PRAMEF20: variants seen among roughly 807,000 people sequenced by gnomAD.
The protein encoded by PRAMEF20 is PRAME family member 20, also known as PRAME family member 20/21.
In PRAMEF20, 27 loss-of-function variants were observed where a neutral mutation model predicts 32.4. The ratio of observed to expected loss-of-function variants is 0.83; its 90% CI spans 0.61 to 1.15. PRAMEF20 has a LOEUF of 1.15. Among genes scored for constraint, PRAMEF20 ranks in the 50% most tolerant of loss-of-function variants. The pLI is 0.00. For missense variants in PRAMEF20, 604 were observed against 584.5 expected (o/e 1.03, Z -0.34); for synonymous variants, 256 against 235.4 (o/e 1.09, Z -0.80).
chr1:13,414,805 A>G (rs955705672), upstream of PRAMEF20, among the ~76,000 whole-genome samples: 22 of 151,830 alleles, frequency 1.4e-4, no homozygotes, highest in Non-Finnish European at 2.8e-4. Context: ...TAATATATAT[A>G]TATAGAGAGA....
At chr1:13,410,980 C>T in the PRAMEF20 span, among the ~76,000 whole-genome samples, 23 of 152,178 alleles carry the variant, frequency 1.5e-4, no homozygotes, top group Non-Finnish European at 4.4e-5. Flanking sequence ...GCCTCAGCCT[C>T]CTGAGTAGCT....
upstream of PRAMEF20, chr1:13,416,221 A>T (rs2100432012): frequency 6.6e-7 from 1 of 1,525,542 alleles, no homozygotes; most frequent in East Asian, 2.3e-5. Flanking sequence ...GAATTGGAGT[A>T]AACTGAGGGC....
upstream of PRAMEF20, among the ~76,000 whole-genome samples, chr1:13,415,118 C>T (rs1215129114): frequency 6.6e-6 from 1 of 151,888 alleles, no homozygotes; most frequent in Non-Finnish European, 1.5e-5. Context: ...TCATTCATGT[C>T]GCCCAGGCTG....
exon 2 of PRAMEF20, chr1:13,418,128 G>C: frequency 6.2e-7 from 1 of 1,612,204 alleles, no homozygotes; most frequent in South Asian, 1.1e-5. Flanking sequence ...TCAGGAGGTG[G>C]AAACTTCAAG....
At chr1:13,417,913 TG>T (rs1641198296) in intron 1 of PRAMEF20, among the ~76,000 whole-genome samples, 3 of 73,774 alleles carry the variant, frequency 4.1e-5, no homozygotes, top group African/African-American at 1.6e-4. Flanking sequence ...GGCTAATTTG[TG>T]TGTGTGTGTG....
upstream of PRAMEF20, among the ~76,000 whole-genome samples, chr1:13,415,559 T>C (rs918448057): frequency 3.4e-4 from 52 of 152,224 alleles, no homozygotes; most frequent in Non-Finnish European, 5.7e-4. Flanking sequence ...GGTGGGTGGA[T>C]TGCTTGAGTC....
exon 2 of PRAMEF20, chr1:13,418,524 G>A: frequency 6.2e-7 from 1 of 1,613,984 alleles, no homozygotes; most frequent in Non-Finnish European, 8.5e-7. Context: ...ACCTCGGCCA[G>A]ATGAGGAATC....
At chr1:13,415,415 T>A (rs1367873250), upstream of PRAMEF20, among the ~76,000 whole-genome samples, 1 of 152,168 alleles carries the variant, frequency 6.6e-6, no homozygotes, top group Non-Finnish European at 1.5e-5. Context: ...GTAAGAAGTG[T>A]GTATGGAAAC....
At chr1:13,418,532 A>C in exon 2 of PRAMEF20, 2 of 1,613,942 alleles carry the variant, frequency 1.2e-6, no homozygotes, top group Non-Finnish European at 1.7e-6. Flanking sequence ...CAGATGAGGA[A>C]TCTTCGGAAG....
At chr1:13,418,100 C>T in intron 1 of PRAMEF20, 22 bp from the exon 3 acceptor site, 6 of 1,611,848 alleles carry the variant, frequency 3.7e-6, no homozygotes, top group South Asian at 3.3e-5. Flanking sequence ...AAATTCTCAG[C>T]CTCTCTTCTA....
At position 13,417,492 on chromosome 1, in the gene PRAMEF20, A is replaced by G. The variant is rs886516055; in HGVS notation, c.288-630A>G. Among the ~76,000 whole-genome samples the G allele has an allele frequency of 1.8e-4, 27 of 151,364 alleles. 1 individual carries two copies. Among genetic ancestry groups the G allele is most frequent in the African/African-American group, 6.3e-4 (26 of 41,336 alleles). On this transcript the variant is annotated intron_variant, in intron 1 of 2. Transcript: ENST00000602960. The stretch of plus-strand genomic sequence containing the variant: ...GTAGCAGACACCTGTAATCCCAGCT[A>G]CTTGGGAGGCTGAGGCAGGAGAATT...
At chr1:13,416,873 A>T (rs1641181515) in intron 1 of PRAMEF20, among the ~76,000 whole-genome samples, 1 of 152,226 alleles carries the variant, frequency 6.6e-6, no homozygotes, top group African/African-American at 2.4e-5. Flanking sequence ...GAAAGGCACC[A>T]CTAAAAGTGG....
intron 1 of PRAMEF20, 23 bp from the exon 3 acceptor site, chr1:13,418,099 G>C (rs1641202103): frequency 6.2e-7 from 1 of 1,611,698 alleles, no homozygotes; most frequent in African/African-American, 1.3e-5. Flanking sequence ...TAAATTCTCA[G>C]CCTCTCTTCT....
chr1:13,417,302 C>T (rs1466788570), intron 1 of PRAMEF20, among the ~76,000 whole-genome samples: 1 of 152,010 alleles, frequency 6.6e-6, no homozygotes, highest in Non-Finnish European at 1.5e-5. Context: ...TAGAATCCTG[C>T]TGATTGGTGC....
intron 1 of PRAMEF20, among the ~76,000 whole-genome samples, 168 bp from the exon 3 acceptor site, chr1:13,417,954 T>TGTGTGTGTGTGTG (rs1641199873): frequency 1.8e-5 from 1 of 55,718 alleles, no homozygotes; most frequent in South Asian, 4.8e-4. Flanking sequence ...GTGTGTGTGT[T>TGTGTGTGTGTGTG]TAGTAGAGAC....
chr1:13,420,854 G>T, exon 3 of PRAMEF20: 1 of 1,613,920 alleles, frequency 6.2e-7, no homozygotes, highest in Non-Finnish European at 8.5e-7. Context: ...GCCGCTCCAA[G>T]TTCTCCTAGA....
At chr1:13,419,289 G>C (rs1428020043) in intron 2 of PRAMEF20, among the ~76,000 whole-genome samples, 1 of 152,028 alleles carries the variant, frequency 6.6e-6, no homozygotes, top group African/African-American at 2.4e-5. Context: ...GAGTAGCTGG[G>C]ATTACAGGCA....
chr1:13,418,979 G>A (rs1641214200), intron 2 of PRAMEF20, among the ~76,000 whole-genome samples: 1 of 152,160 alleles, frequency 6.6e-6, no homozygotes, highest in Non-Finnish European at 1.5e-5. Flanking sequence ...CTGAGGATGT[G>A]TGTCTAAGTT....
exon 3 of PRAMEF20, chr1:13,420,754 A>C: frequency 1.2e-6 from 2 of 1,613,938 alleles, no homozygotes; most frequent in Non-Finnish European, 1.7e-6. Context: ...TTTTGGAATC[A>C]GACTTGAAGC....
Sources: allele counts gnomAD v4.1 joint callset (sites outside exome capture counted in the v4.1 genomes callset), GRCh38; gene constraint gnomAD v4.1.1; transcripts MANE v1.5; gene names NCBI Gene and HGNC (gene_info 2026-07-23, HGNC 2026-07-21).